The following OGFOD1 variants were observed in gnomAD, a reference collection of about 807,000 sequenced individuals.
OGFOD1 encodes prolyl 3-hydroxylase OGFOD1.
OGFOD1 carries 54 observed loss-of-function variants against 67.7 expected under a neutral mutation model. The ratio of observed to expected loss-of-function variants is 0.80; its 90% CI spans 0.64 to 1.00. The LOEUF (loss-of-function observed/expected upper bound fraction) is 1.00, where lower values mean the gene tolerates loss of function less well. Ranked by LOEUF, OGFOD1 falls within the 50% of genes least tolerant of loss-of-function variation. The pLI is 0.00. For missense variants in OGFOD1, 606 were observed against 646.7 expected, an observed-to-expected ratio of 0.94 and a Z score of 0.68; for synonymous variants, 221 against 227.0, an observed-to-expected ratio of 0.97 and a Z score of 0.24.
intron 2 of OGFOD1, chr16:56,454,653 G>GAA: frequency 3.3e-6 from 1 of 299,172 alleles, no homozygotes; most frequent in Non-Finnish European, 6.6e-6. Context: ...ATTGGGGGGG[G>GAA]AAAAAAAAAA....
chr16:56,468,053 T>C (rs1272124235), intron 8 of OGFOD1, 35 bp downstream of exon 8: 1 of 1,187,506 alleles, frequency 8.4e-7, no homozygotes, highest in African/African-American at 1.5e-5. Context: ...AATATTTTGT[T>C]TGGCATGCAA....
At chr16:56,465,568 A>G (rs1962867126) in intron 4 of OGFOD1, 1 of 152,702 alleles carries the variant, frequency 6.5e-6, no homozygotes, top group Non-Finnish European at 1.5e-5. Context: ...TGCTAGCCCC[A>G]GGACATGACT....
intron 11 of OGFOD1, 83 bp downstream of exon 11, chr16:56,475,033 T>C: frequency 7.0e-7 from 1 of 1,432,590 alleles, no homozygotes. Flanking sequence ...GCTGAACCAA[T>C]TCATAAGTAA....
intron 4 of OGFOD1, among the ~76,000 whole-genome samples, chr16:56,463,385 T>A (rs12922954): frequency 9.1e-5 from 2 of 21,942 alleles, no homozygotes; most frequent in African/African-American, 3.5e-4. Flanking sequence ...CTTTTTTGGG[T>A]TTTTTTTTTT....
chr16:56,455,866 GA>G (rs199895492), intron 2 of OGFOD1, among the ~76,000 whole-genome samples: 9 of 146,580 alleles, frequency 6.1e-5, no homozygotes, highest in Admixed American at 2.0e-4. Context: ...ATAACAAAAA[GA>G]AAAAAAAAAC....
At chr16:56,458,151 A>C (rs1263712276) in intron 2 of OGFOD1, 1 of 217,044 alleles carries the variant, frequency 4.6e-6, no homozygotes. Context: ...ACCTCCCTGA[A>C]GTCTACCTTG....
intron 4 of OGFOD1, among the ~76,000 whole-genome samples, chr16:56,464,051 C>T (rs1256626764): frequency 6.6e-6 from 1 of 152,188 alleles, no homozygotes; most frequent in Non-Finnish European, 1.5e-5. Context: ...ATTGTCTCTT[C>T]AGCCTCCCTC....
Position 56,477,921 on chromosome 16 carries a change from G to A in OGFOD1, c.*1716G>A, listed in dbSNP as rs2144076075. The A allele has an allele frequency of 6.6e-6, 1 of 152,172 alleles. No individual in the cohort carries two copies. Among genetic ancestry groups the A allele is most frequent in the South Asian group, 2.1e-4 (1 of 4,814 alleles). The allele number at this position is 152,172 out of a possible 1,614,324, so 9.4% of individuals were successfully genotyped here. A position where few individuals can be genotyped will look rare whatever the true frequency, so the allele number is the denominator to read the frequency against. ...ACTTTCGCTTTGGCTTTTAGGTTTA[G>A]TTTCAAAAAGGTTTAATTCTGCACC... On this transcript the variant is annotated 3_prime_UTR_variant, in exon 13 of 13. Coordinates refer to ENST00000566157, the MANE Select transcript of OGFOD1 (RefSeq NM_018233.4).
At chr16:56,469,441 A>G (rs1230006208) in intron 8 of OGFOD1, among the ~76,000 whole-genome samples, 2 of 152,198 alleles carry the variant, frequency 1.3e-5, no homozygotes, top group African/African-American at 2.4e-5. Context: ...CGTAAGGTAT[A>G]TAACTACTTA....
rs1962405945 is a variant in OGFOD1, at chr16:56,453,340, G to A, written c.232G>A (p.Gly78Arg). 6.2e-7 allele frequency: 1 copy of A among 1,613,952 alleles called. No homozygotes were observed. The highest frequency in any genetic ancestry group is 1.7e-5 in the Admixed American group (1 of 60,000). ...NFIQSQDFLE[G>R]LQKELMNLDF... The stretch of plus-strand genomic sequence containing the variant: ...CATCCAAAGCCAAGACTTCTTAGAA[G>A]GGCTTCAGAAGGAACTGATGAACTT... Residue 78 changes from glycine to arginine, a missense_variant, in exon 2 of 13, where the codon GGG becomes AGG. Coordinates refer to ENST00000566157, the MANE Select transcript of OGFOD1 (RefSeq NM_018233.4).
In OGFOD1 at chr16:56,466,253, C is replaced by CTA. The variant is rs1418084347; in HGVS notation, c.551_552insAT (p.Tyr185CysfsTer50). 1 of 1,610,776 alleles carries CTA rather than the reference C, an allele frequency of 6.2e-7. No individual in the cohort carries two copies. The highest frequency in any genetic ancestry group is 1.1e-5 in the South Asian group (1 of 91,002). On this transcript the variant is annotated frameshift_variant, in exon 5 of 13. Coordinates refer to ENST00000566157, the MANE Select transcript of OGFOD1 (RefSeq NM_018233.4). LOFTEE classifies it high-confidence loss of function. Reference sequence around the variant, plus strand: ...CAGGAGCATGGGTGGTACCCTGGACCTGTACAGCATTGATGGTAAGATAAG... The same window carrying CTA: ...CAGGAGCATGGGTGGTACCCTGGACCTATGTACAGCATTGATGGTAAGATAAG...
At chr16:56,473,076 G>A (rs780743008) in intron 10 of OGFOD1, among the ~76,000 whole-genome samples, 9 of 152,052 alleles carry the variant, frequency 5.9e-5, no homozygotes, top group East Asian at 1.9e-4. Flanking sequence ...GACTACAGGC[G>A]CATGCCACCA....
At position 56,476,117 on chromosome 16, in the gene OGFOD1, A is replaced by G; in HGVS notation, c.1541A>G (p.Lys514Arg). 1 of 1,614,038 alleles carries G rather than the reference A, an allele frequency of 6.2e-7. No individual in the cohort carries two copies. Among genetic ancestry groups the G allele is most frequent in the Non-Finnish European group, 8.5e-7 (1 of 1,179,936 alleles). The change falls in exon 13 of 13, where the codon AAG becomes AGG. Residue 514 changes from lysine to arginine, a missense_variant. By Grantham distance (26) the Lys-to-Arg change is conservative. Transcript: ENST00000566157. Reference sequence around the variant, plus strand: ...GACAGAGAGACTCTGAAATTTGTCAAGCATATTAACCACCGAAGCCTGGAA... The same window carrying G: ...GACAGAGAGACTCTGAAATTTGTCAGGCATATTAACCACCGAAGCCTGGAA... Reference protein sequence around the residue: ...YRDRETLKFVKHINHRSLEQK... With the variant: ...YRDRETLKFVRHINHRSLEQK...
chr16:56,470,335 C>T, intron 9 of OGFOD1, 152 bp from the exon 10 acceptor site: 1 of 763,794 alleles, frequency 1.3e-6, no homozygotes, highest in Non-Finnish European at 2.1e-6. Flanking sequence ...CTAACAAAAT[C>T]CTAACAAAAT....
rs1196302778 is a variant in OGFOD1 at position 56,462,710 on chromosome 16, G to A, written c.448+76G>A. The A allele has an allele frequency of 4.9e-4, 414 of 853,586 alleles. 3 individuals are homozygous for A. Among genetic ancestry groups the A allele is most frequent in the Non-Finnish European group, 1.2e-4 (63 of 520,870 alleles). The allele number at this position is 853,586 out of a possible 1,614,324, so 52.9% of individuals were successfully genotyped here. On this transcript the variant is annotated intron_variant, in intron 4 of 12. Coordinates refer to ENST00000566157, the MANE Select transcript of OGFOD1 (RefSeq NM_018233.4). ...GCATTAATGGAGAGATGGTATCTGT[G>A]TACCAAAACACTCAACTGAATGTCC...
chr16:56,466,941 G>T lies in OGFOD1; in HGVS notation c.631G>T (p.Glu211Ter). 2 of 1,613,238 alleles carry T rather than the reference G, an allele frequency of 1.2e-6. No individual in the cohort carries two copies. The highest frequency in any genetic ancestry group is 2.2e-5 in the South Asian group (2 of 91,056). Reference protein sequence around the residue: ...IPSWNKLVFFEVSPVSFHQVS... With the variant: ...IPSWNKLVFF The stretch of plus-strand genomic sequence containing the variant: ...TTCGTGGAACAAACTGGTTTTCTTT[G>T]AAGTATCTCCTGTGTCCTTTCACCA... The change falls in exon 6 of 13, where the codon GAA (glutamate) becomes TAA (stop). Residue 211 changes from glutamate (E) to a stop codon, truncating the protein, a stop_gained. Transcript: ENST00000566157. LOFTEE classifies it high-confidence loss of function.
At chr16:56,466,126 C>T (rs190568114) in intron 4 of OGFOD1, 26 bp from the exon 5 acceptor site, 2 of 1,540,740 alleles carry the variant, frequency 1.3e-6, no homozygotes, top group East Asian at 2.2e-5. Context: ...CTGCAGGGAT[C>T]TAAGGTGTCC....
At position 56,458,528 on chromosome 16, in the gene OGFOD1, T is replaced by C. The variant is rs767272727; in HGVS notation, c.301-20T>C. The C allele has an allele frequency of 7.3e-5, 117 of 1,610,500 alleles. No homozygotes were observed. The highest frequency in any genetic ancestry group is 1.2e-4 in the Admixed American group (7 of 59,990). On this transcript the variant is annotated intron_variant, in intron 2 of 12. Transcript: ENST00000566157. ...TTATGTGAAGGAAATCCCTTTTTTT[T>C]CTCTATTTTCATGATCAAGTCTGAT...
intron 2 of OGFOD1, chr16:56,454,828 G>C: frequency 2.3e-6 from 1 of 435,396 alleles, no homozygotes; most frequent in South Asian, 1.7e-5. Context: ...TCTGTCTTTG[G>C]ACCTTATACA....
Sources: gnomAD v4.1 joint callset for allele counts (sites outside exome capture counted in the v4.1 genomes callset) on GRCh38, gnomAD v4.1.1 for gene constraint, MANE v1.5 for transcripts, NCBI Gene and HGNC (gene_info 2026-07-23, HGNC 2026-07-21) for gene names.